ZNF141: variants seen among roughly 807,000 people sequenced by gnomAD.
ZNF141 encodes zinc finger protein 141.
In ZNF141, 7 loss-of-function variants were observed where a neutral mutation model predicts 11.3. That is an observed-to-expected ratio of 0.62 (90% CI 0.35 to 1.16). The LOEUF is 1.16. Among genes scored for constraint, ZNF141 ranks in the 50% most tolerant of loss-of-function variants. The probability of loss-of-function intolerance (pLI) is 0.02; values close to 1 mark genes in which losing one functional copy is unlikely to be tolerated. For missense variants in ZNF141, 535 were observed against 554.0 expected (o/e 0.97, Z 0.34); for synonymous variants, 183 against 190.7 (o/e 0.96, Z 0.33).
chr4:362,836 G>T (rs1449690341), intron 3 of ZNF141, among the ~76,000 whole-genome samples: 1 of 152,118 alleles, frequency 6.6e-6, no homozygotes, highest in Non-Finnish European at 1.5e-5. Context: ...TGTTCTTTTG[G>T]CTTAGGATTG....
At chr4:342,753 ATTTT>A in intron 1 of ZNF141, 1 of 1,445,346 alleles carries the variant, frequency 6.9e-7, no homozygotes, top group Non-Finnish European at 9.7e-7. Context: ...GTCCTTATTT[ATTTT>A]ATTTTTGATT....
chr4:370,130 C>T (rs1458842591), intron 3 of ZNF141, among the ~76,000 whole-genome samples: 2 of 152,048 alleles, frequency 1.3e-5, no homozygotes, highest in Non-Finnish European at 2.9e-5. Flanking sequence ...TTCCTCTTTA[C>T]ATCTGCCCTG....
chr4:347,039 CTT>C (rs201885088), intron 3 of ZNF141, among the ~76,000 whole-genome samples: 8 of 134,776 alleles, frequency 5.9e-5, no homozygotes, highest in Non-Finnish European at 4.7e-5. Flanking sequence ...TAGTTTTATT[CTT>C]TTTTTTTTTT....
chr4:350,940 G>A (rs144499965), intron 3 of ZNF141, among the ~76,000 whole-genome samples: 17 of 150,736 alleles, frequency 1.1e-4, no homozygotes, highest in African/African-American at 2.4e-4. Context: ...TAGTAGAGAC[G>A]GGGTTTCACC....
intron 1 of ZNF141, among the ~76,000 whole-genome samples, 172 bp from the exon 2 acceptor site, chr4:343,610 A>C (rs1471035785): frequency 6.6e-6 from 1 of 150,932 alleles, no homozygotes; most frequent in Admixed American, 6.7e-5. Context: ...ATGTAGTCCC[A>C]GCTACTTGGG....
Position 373,799 on chromosome 4 carries a change from A to C in ZNF141, c.1362A>C (p.Lys454Asn). 1.9e-6 allele frequency: 3 copies of C among 1,614,060 alleles called. No individual in the cohort carries two copies. The highest frequency in any genetic ancestry group is 2.5e-6 in the Non-Finnish European group (3 of 1,179,924). ...CTGTAGATAAACCCTACAAATGTAA[A>C]GATTGTGACAAAGCCTTTAAACGGT... ...IHTVDKPYKC[K>N]DCDKAFKRFS... The change falls in exon 4 of 4, where the codon AAA becomes AAC. Residue 454 changes from lysine to asparagine, a missense_variant. Lys to Asn is a moderately conservative substitution (Grantham distance 94). Transcript: ENST00000240499.
intron 3 of ZNF141, among the ~76,000 whole-genome samples, chr4:350,612 C>T (rs201362795): frequency 6.6e-6 from 1 of 152,078 alleles, no homozygotes; most frequent in Non-Finnish European, 1.5e-5. Context: ...AATGTAATCC[C>T]TATTGTTGGA....
rs564778149 is a variant in ZNF141 at position 368,679 on chromosome 4, A to C, written c.227-3985A>C. Reference sequence around the variant, plus strand: ...ATTGTGAGTGTCCAAATTACTCTTTATATGACCATATGTGTGAGAGTTCAT... The same window carrying C: ...ATTGTGAGTGTCCAAATTACTCTTTCTATGACCATATGTGTGAGAGTTCAT... On this transcript the variant is annotated intron_variant, in intron 3 of 3. Transcript: ENST00000240499. Among the ~76,000 whole-genome samples, 161 of 152,360 alleles carry C rather than the reference A, an allele frequency of 1.1e-3. 1 individual carries two copies. The highest frequency in any genetic ancestry group is 3.4e-3 in the African/African-American group (142 of 41,592).
At chr4:353,817 A>G (rs538103196) in intron 3 of ZNF141, among the ~76,000 whole-genome samples, 3 of 152,236 alleles carry the variant, frequency 2.0e-5, no homozygotes, top group Non-Finnish European at 4.4e-5. Context: ...ATGTGATTCT[A>G]CGTCTCCTCC....
intron 3 of ZNF141, among the ~76,000 whole-genome samples, chr4:364,643 G>A (rs1711650451): frequency 6.6e-6 from 1 of 151,964 alleles, no homozygotes. Flanking sequence ...CTTTGCCTGG[G>A]TATCACCAGC....
chr4:351,732 A>C (rs1721612015), intron 3 of ZNF141, among the ~76,000 whole-genome samples: 1 of 152,120 alleles, frequency 6.6e-6, no homozygotes, highest in Non-Finnish European at 1.5e-5. Flanking sequence ...GTCAATCTTG[A>C]TTCTGCCAAA....
At chr4:341,976 TACAA>T (rs1721071759) in intron 1 of ZNF141, among the ~76,000 whole-genome samples, 2 of 152,176 alleles carry the variant, frequency 1.3e-5, no homozygotes, top group Non-Finnish European at 2.9e-5. Flanking sequence ...TCAAAGTAAA[TACAA>T]ACACAAAAAT....
chr4:372,072 A>T (rs1553853650), intron 3 of ZNF141, among the ~76,000 whole-genome samples: 1 of 152,196 alleles, frequency 6.6e-6, no homozygotes, highest in East Asian at 1.9e-4. Context: ...TTTTTCAGTT[A>T]AAAGGGTTTG....
chr4:353,463 A>ATTTTTT (rs782000820), intron 3 of ZNF141, among the ~76,000 whole-genome samples: 1 of 135,444 alleles, frequency 7.4e-6, no homozygotes, highest in Non-Finnish European at 1.5e-5. Flanking sequence ...TATTATTATT[A>ATTTTTT]TTATTTTTTT....
At chr4:347,151 C>T (rs191539567) in intron 3 of ZNF141, among the ~76,000 whole-genome samples, 11 of 150,926 alleles carry the variant, frequency 7.3e-5, no homozygotes, top group African/African-American at 2.7e-4. Context: ...AATTCTCCTG[C>T]CTCAGCCTCC....
rs1399844793 is a variant in ZNF141 at position 343,941 on chromosome 4, T to A, written c.130+33T>A. On this transcript the variant is annotated intron_variant, in intron 2 of 3. Transcript: ENST00000240499. ...TAACTTCAATACATAATTCCTAATT[T>A]TTCTCAGAGCTTTATTTTATTCCTT... The A allele has an allele frequency of 6.3e-6, 10 of 1,576,402 alleles. No homozygotes were observed. In the Admixed American group the frequency reaches 8.4e-5, roughly 13 times the overall value.
chr4:369,765 T>TATATACATATATATATATATA (rs59617897), intron 3 of ZNF141, among the ~76,000 whole-genome samples: 1 of 26,470 alleles, frequency 3.8e-5, no homozygotes, highest in Non-Finnish European at 6.3e-5. Context: ...TATATATATA[T>TATATACATATATATATATATA]TTTTTTTTTT....
chr4:338,323 C>A, intron 1 of ZNF141: 1 of 318,782 alleles, frequency 3.1e-6, no homozygotes, highest in Non-Finnish European at 6.0e-6. Flanking sequence ...GATCCCGTCC[C>A]TGCTTTACCC....
Position 382,036 on chromosome 4 carries a change from C to T in ZNF141, c.*8174C>T, listed in dbSNP as rs559149075. On this transcript the variant is annotated 3_prime_UTR_variant, in exon 4 of 4. Coordinates refer to ENST00000240499, the MANE Select transcript of ZNF141 (RefSeq NM_003441.4). The stretch of plus-strand genomic sequence containing the variant: ...TCTCGGCTCACTGCAAGCTCCACCT[C>T]CCAGGTTCACGCCATTCTCCTGCCT... Among the ~76,000 whole-genome samples the T allele has an allele frequency of 3.5e-4, 53 of 150,642 alleles. No individual in the cohort carries two copies. Among genetic ancestry groups the T allele is most frequent in the Non-Finnish European group, 5.9e-4 (40 of 67,816 alleles).
Sources: gnomAD v4.1 joint callset for allele counts (sites outside exome capture counted in the v4.1 genomes callset) on GRCh38, gnomAD v4.1.1 for gene constraint, MANE v1.5 for transcripts, NCBI Gene and HGNC (gene_info 2026-07-23, HGNC 2026-07-21) for gene names.